The following NKAIN2 variants were observed in gnomAD, a reference collection of about 807,000 sequenced individuals.
NKAIN2 encodes the protein sodium/potassium-transporting ATPase subunit beta-1-interacting protein 2.
Under a neutral mutation model 32.6 loss-of-function variants are expected in NKAIN2, and 14 were observed. That is an observed-to-expected ratio of 0.43 (90% CI 0.28 to 0.67). The LOEUF (loss-of-function observed/expected upper bound fraction) is 0.67, where lower values mean the gene tolerates loss of function less well. Among genes scored for constraint, NKAIN2 ranks in the 30% least tolerant of loss-of-function variants. The pLI, the probability that NKAIN2 is intolerant of heterozygous loss-of-function variation, is 0.17. For synonymous variants in NKAIN2, 80 were observed against 87.2 expected, an observed-to-expected ratio of 0.92 and a Z score of 0.46; for missense variants, 198 against 258.3, an observed-to-expected ratio of 0.77 and a Z score of 1.60.
intron 2 of NKAIN2, among the ~76,000 whole-genome samples, chr6:124,307,700 A>G (rs1314656822): frequency 6.6e-6 from 1 of 152,236 alleles, no homozygotes; most frequent in Non-Finnish European, 1.5e-5. Context: ...AATGTAAATT[A>G]CTATATCTTG....
chr6:124,236,635 A>T (rs1792779619), intron 1 of NKAIN2, among the ~76,000 whole-genome samples: 1 of 152,190 alleles, frequency 6.6e-6, no homozygotes, highest in African/African-American at 2.4e-5. Context: ...CAGAGTGATC[A>T]TCTGGAAAGC....
intron 1 of NKAIN2, among the ~76,000 whole-genome samples, chr6:123,885,012 A>T (rs1773647310): frequency 6.6e-6 from 1 of 152,182 alleles, no homozygotes; most frequent in South Asian, 2.1e-4. Flanking sequence ...GTTTTAACCT[A>T]TTAAATTCAC....
chr6:124,562,900 G>C, intron 3 of NKAIN2, among the ~76,000 whole-genome samples: 1 of 141,670 alleles, frequency 7.1e-6, no homozygotes, highest in East Asian at 2.0e-4. Context: ...AGTATTTTTT[G>C]TTTCTTTTTT....
At chr6:124,591,529 C>T (rs375045214) in intron 3 of NKAIN2, among the ~76,000 whole-genome samples, 6 of 152,018 alleles carry the variant, frequency 3.9e-5, no homozygotes, top group Non-Finnish European at 7.4e-5. Flanking sequence ...GATTTATCTG[C>T]TTGCTTTCCA....
At chr6:124,066,705 T>G (rs1019723972) in intron 1 of NKAIN2, among the ~76,000 whole-genome samples, 1 of 152,204 alleles carries the variant, frequency 6.6e-6, no homozygotes, top group Non-Finnish European at 1.5e-5. Flanking sequence ...TGTGTTTTTA[T>G]GTAAAAAGCT....
At chr6:124,806,050 G>A (rs1428607451) in intron 5 of NKAIN2, among the ~76,000 whole-genome samples, 6 of 151,812 alleles carry the variant, frequency 4.0e-5, no homozygotes, top group Admixed American at 3.3e-4. Flanking sequence ...ACGGAACCAA[G>A]TTGGAAAACA....
At chr6:124,763,636 A>G (rs1023798735) in intron 4 of NKAIN2, among the ~76,000 whole-genome samples, 1 of 152,176 alleles carries the variant, frequency 6.6e-6, no homozygotes, top group African/African-American at 2.4e-5. Flanking sequence ...CCATGTTACT[A>G]TAGTTGATAA....
At chr6:124,256,935 ATACAAACAACG>A (rs1320576779) in intron 1 of NKAIN2, among the ~76,000 whole-genome samples, 4 of 130,982 alleles carry the variant, frequency 3.1e-5, no homozygotes, top group African/African-American at 1.2e-4. Context: ...GACAACTGAT[ATACAAACAACG>A]TGCAAAAGCT....
intron 3 of NKAIN2, among the ~76,000 whole-genome samples, chr6:124,508,419 G>A (rs966438419): frequency 7.9e-5 from 12 of 150,988 alleles, no homozygotes; most frequent in African/African-American, 2.2e-4. Context: ...ATCTCGGCTC[G>A]CTGCAAGCTC....
rs546562693 is a variant in NKAIN2, at chr6:124,754,457, G to A, written c.475-36882G>A. ...TAACCCCATAAAAAAGCAGGCAAAC[G>A]ACATGAACACTTTTTTTTCCATATG... On this transcript the variant is annotated intron_variant, in intron 4 of 6. Transcript: ENST00000368417. Among the ~76,000 whole-genome samples the A allele has an allele frequency of 3.7e-3, 359 of 96,580 alleles. 1 individual carries two copies. The highest frequency in any genetic ancestry group is 5.5e-3 in the South Asian group (15 of 2,750). The allele number at this position is 96,580 out of a possible 152,430, so 63.4% of individuals were successfully genotyped here.
At position 124,076,964 on chromosome 6, in the gene NKAIN2, A is replaced by G. The variant is rs558719556; in HGVS notation, c.55-206041A>G. 9.8e-5 allele frequency among the ~76,000 whole-genome samples: 15 copies of G among 152,348 alleles called. No homozygotes were observed. In the South Asian group the frequency reaches 3.1e-3, roughly 32 times the overall value. On this transcript the variant is annotated intron_variant, in intron 1 of 6. Transcript: ENST00000368417. ...ATATGTATTTAATGAAGTAAATTTAATGAAGTAGATGCTGAATAGGCACTT... is the reference window on the plus strand; with the variant it reads ...ATATGTATTTAATGAAGTAAATTTAGTGAAGTAGATGCTGAATAGGCACTT...
intron 1 of NKAIN2, among the ~76,000 whole-genome samples, chr6:124,096,039 A>G (rs1784634076): frequency 6.6e-6 from 1 of 152,234 alleles, no homozygotes; most frequent in South Asian, 2.1e-4. Context: ...ACAAAACTGT[A>G]GGAAAATTTT....
chr6:123,878,209 A>C (rs1176111355), intron 1 of NKAIN2, among the ~76,000 whole-genome samples: 1 of 142,130 alleles, frequency 7.0e-6, no homozygotes, highest in East Asian at 2.1e-4. Flanking sequence ...CTGGACTACA[A>C]GAGTGAAACT....
At chr6:123,844,639 A>G (rs992772199) in intron 1 of NKAIN2, among the ~76,000 whole-genome samples, 1 of 152,234 alleles carries the variant, frequency 6.6e-6, no homozygotes, top group Non-Finnish European at 1.5e-5. Flanking sequence ...ATCATACTAC[A>G]TGGATACATA....
intron 3 of NKAIN2, among the ~76,000 whole-genome samples, chr6:124,642,409 G>A (rs1784026508): frequency 6.6e-6 from 1 of 152,090 alleles, no homozygotes; most frequent in Non-Finnish European, 1.5e-5. Context: ...CCAGAAAAAT[G>A]CTATACTTAG....
intron 3 of NKAIN2, among the ~76,000 whole-genome samples, chr6:124,616,977 A>G (rs954491312): frequency 1.3e-5 from 2 of 152,194 alleles, no homozygotes; most frequent in Admixed American, 1.3e-4. Flanking sequence ...TTCCTAAACA[A>G]TAAAGTCCCA....
chr6:124,408,232 T>G (rs1303936949), intron 3 of NKAIN2, among the ~76,000 whole-genome samples: 1 of 152,182 alleles, frequency 6.6e-6, no homozygotes, highest in African/African-American at 2.4e-5. Flanking sequence ...TGGCTTTTGT[T>G]GCCATTGCTT....
chr6:124,000,535 C>T (rs1438437187), intron 1 of NKAIN2, among the ~76,000 whole-genome samples: 3 of 151,914 alleles, frequency 2.0e-5, no homozygotes, highest in Admixed American at 6.6e-5. Context: ...TTCATGAAGC[C>T]GGATGAAAAA....
intron 1 of NKAIN2, among the ~76,000 whole-genome samples, chr6:124,164,446 G>A (rs909208595): frequency 5.3e-5 from 8 of 152,006 alleles, no homozygotes; most frequent in African/African-American, 1.9e-4. Context: ...TTCTTTTGAT[G>A]ATATCACATC....
Sources: gnomAD v4.1 joint callset for allele counts (sites outside exome capture counted in the v4.1 genomes callset) on GRCh38, gnomAD v4.1.1 for gene constraint, MANE v1.5 for transcripts, NCBI Gene and HGNC (gene_info 2026-07-23, HGNC 2026-07-21) for gene names.